The following PRRC2B variants were observed in gnomAD, a reference collection of about 807,000 sequenced individuals.
PRRC2B encodes the protein proline rich coiled-coil 2B, also known as protein PRRC2B.
PRRC2B carries 68 observed loss-of-function variants against 242.3 expected under a neutral mutation model. The ratio of observed to expected loss-of-function variants is 0.28; its 90% CI spans 0.23 to 0.34. PRRC2B has a LOEUF of 0.34. Among genes scored for constraint, PRRC2B ranks in the 10% least tolerant of loss-of-function variants. The pLI is 1.00. For missense variants in PRRC2B, 2,835 were observed against 2,954.8 expected, an observed-to-expected ratio of 0.96 and a Z score of 0.94; for synonymous variants, 1,228 against 1,173.6, an observed-to-expected ratio of 1.05 and a Z score of -0.95.
chr9:131,430,219 T>C lies in PRRC2B; in HGVS notation c.75T>C (p.Asp25=), dbSNP rs1838093170. The change falls in exon 2 of 32, where the codon GAT becomes GAC. Residue 25 remains aspartate (D), a synonymous_variant. Transcript: ENST00000683519. ...AGTACTCGACTCTCAGCCTGTTTGA[T>C]AAGTATAAAGGAAAATCAGTAGACG... ...KSKYSTLSLF[D]KYKGKSVDAI... is the part of the protein sequence containing the mutation. The C allele has an allele frequency of 6.8e-6, 11 of 1,606,524 alleles. No individual in the cohort carries two copies. In the East Asian group the frequency reaches 2.2e-4, roughly 33 times the overall value.
rs572990487 is a variant in PRRC2B, at chr9:131,467,466, G to A, written c.1721-97G>A. On this transcript the variant is annotated intron_variant, in intron 12 of 31. Transcript: ENST00000683519. ...GACGTGACTGTTCTAGCAGTGGAGC[G>A]TACGGGCCAACAGGAAGAAGTACTT... 1.1e-4 allele frequency: 123 copies of A among 1,086,996 alleles called. No homozygotes were observed. The East Asian group carries it at 3.0e-3, about 26-fold the overall frequency. 67.3% of individuals were successfully genotyped at this position (1,086,996 alleles called of 1,614,324 possible).
chr9:131,438,428 G>A (rs975523007), intron 4 of PRRC2B, among the ~76,000 whole-genome samples: 1 of 152,094 alleles, frequency 6.6e-6, no homozygotes, highest in East Asian at 1.9e-4. Context: ...TGACCCTGGC[G>A]AGTTTTCAGC....
Position 131,482,926 on chromosome 9 carries a change from T to A in PRRC2B, c.5373+19T>A. 6.3e-7 allele frequency: 1 copy of A among 1,590,866 alleles called. No individual in the cohort carries two copies. Among genetic ancestry groups the A allele is most frequent in the Non-Finnish European group, 8.6e-7 (1 of 1,168,248 alleles). ...TCCAAAAGTGAGGCTTTGATTTGTT[T>A]TCTTGCTTGCTTTTTTTACTTTTTA... On this transcript the variant is annotated intron_variant, in intron 22 of 31. Coordinates refer to ENST00000683519, the MANE Select transcript of PRRC2B (RefSeq NM_013318.4). The surrounding 1 kb of genome is among the most constrained non-coding windows in gnomAD (Gnocchi z 5.2).
At chr9:131,401,101 G>GC (rs1263288291) in intron 1 of PRRC2B, among the ~76,000 whole-genome samples, 1 of 151,388 alleles carries the variant, frequency 6.6e-6, no homozygotes, top group African/African-American at 2.4e-5. Context: ...TTTCTTCGGA[G>GC]CCCCCTACAG....
Position 131,459,278 on chromosome 9 carries a change from C to T in PRRC2B, c.1326C>T (p.Ser442=), listed in dbSNP as rs1345871309. Residue 442 remains serine, a synonymous_variant, in exon 11 of 32, where the codon TCC becomes TCT. Coordinates refer to ENST00000683519, the MANE Select transcript of PRRC2B (RefSeq NM_013318.4). ...ACTGGGCTGAAGCAGTGGGTGCGTC[C>T]CGTGTGGTCCGAAAGGCGCCAGACC... ...GKDWAEAVGA[S]RVVRKAPDPQ... 11 of 1,613,750 alleles carry T rather than the reference C, an allele frequency of 6.8e-6. No homozygotes were observed. Among genetic ancestry groups the T allele is most frequent in the African/African-American group, 1.3e-5 (1 of 74,880 alleles).
At chr9:131,488,542 G>A (rs753509490) in intron 28 of PRRC2B, among the ~76,000 whole-genome samples, 18 of 152,166 alleles carry the variant, frequency 1.2e-4, no homozygotes, top group African/African-American at 2.4e-4. Context: ...GATGACAGGC[G>A]TGAGCCACCA....
chr9:131,380,826 T>TGA (rs1337320722), intron 1 of PRRC2B, among the ~76,000 whole-genome samples: 1 of 138,388 alleles, frequency 7.2e-6, no homozygotes, highest in Non-Finnish European at 1.5e-5. Context: ...TGCAGTGAGC[T>TGA]GAGATCACAC....
chr9:131,447,517 C>A, intron 8 of PRRC2B, 145 bp from the exon 9 acceptor site: 2 of 929,684 alleles, frequency 2.2e-6, no homozygotes, highest in Non-Finnish European at 3.1e-6. Context: ...CTCGTTTGCT[C>A]ATTATATATT....
At chr9:131,437,825 C>G (rs768733426) in intron 4 of PRRC2B, among the ~76,000 whole-genome samples, 2 of 152,294 alleles carry the variant, frequency 1.3e-5, no homozygotes, top group Non-Finnish European at 2.9e-5. Context: ...TTTCTGCTTC[C>G]CAGAATTTGA....
intron 1 of PRRC2B, among the ~76,000 whole-genome samples, chr9:131,428,408 T>C (rs186566615): frequency 1.2e-3 from 182 of 152,126 alleles, no homozygotes; most frequent in African/African-American, 4.3e-3. Flanking sequence ...TTTTATTTAT[T>C]CATTTTGAGA....
intron 12 of PRRC2B, among the ~76,000 whole-genome samples, chr9:131,465,737 A>G (rs976150228): frequency 2.0e-5 from 3 of 150,262 alleles, no homozygotes; most frequent in African/African-American, 4.9e-5. Flanking sequence ...ACATGGCCCT[A>G]TTTTTTTTTT....
chr9:131,474,809 G>C lies in PRRC2B; in HGVS notation c.2680G>C (p.Gly894Arg). Residue 894 changes from glycine to arginine, a missense_variant, in exon 16 of 32, where the codon GGG (glycine) becomes CGG (arginine). Physicochemically the swap from Gly to Arg is moderately radical, Grantham distance 125 (BLOSUM62 -2). Transcript: ENST00000683519. ...TGTTGAGCGGGAGACACCCCGGGAGGGGACGGCCTTTAACATCTCCTCCTG... is the reference window on the plus strand; with the variant it reads ...TGTTGAGCGGGAGACACCCCGGGAGCGGACGGCCTTTAACATCTCCTCCTG... ...HGVERETPRE[G>R]TAFNISSWDK... is the part of the protein sequence containing the mutation. 1 of 1,612,374 alleles carries C rather than the reference G, an allele frequency of 6.2e-7. No homozygotes were observed. Among genetic ancestry groups the C allele is most frequent in the East Asian group, 2.2e-5 (1 of 44,850 alleles).
chr9:131,493,745 C>G (rs1046687611), intron 30 of PRRC2B, among the ~76,000 whole-genome samples: 1 of 152,158 alleles, frequency 6.6e-6, no homozygotes, highest in African/African-American at 2.4e-5. Flanking sequence ...CTGGTCAGGT[C>G]CTTGGGGGAG....
Position 131,494,281 on chromosome 9 carries a change from T to G in PRRC2B, c.6474-124T>G, listed in dbSNP as rs867838434. ...TTCCATCCAAGAGATCCACGGACCG[T>G]CCCGAGTGAGCGCCTCTGGCCGCAG... is the stretch of plus-strand genomic sequence containing the variant. On this transcript the variant is annotated intron_variant, in intron 30 of 31. Transcript: ENST00000683519. This position sits in a 1 kb window ranked among gnomAD's most constrained non-coding sequence, Gnocchi z 4.3. The G allele has an allele frequency of 1.6e-6, 1 of 618,070 alleles. No individual in the cohort carries two copies. The highest frequency in any genetic ancestry group is 1.9e-5 in the South Asian group (1 of 51,574). The allele number at this position is 618,070 out of a possible 1,614,324, so 38.3% of individuals were successfully genotyped here. A position where few individuals can be genotyped will look rare whatever the true frequency, so the allele number is the denominator to read the frequency against.
Position 131,446,468 on chromosome 9 carries a change from A to G in PRRC2B, c.681A>G (p.Pro227=). ...IISATSLSTS[P]TELGSRNSST... Reference sequence around the variant, plus strand: ...CTGCCACGTCTCTGAGCACCTCCCCAACTGAGCTGGGCAGCAGGAACTCGA... The same window carrying G: ...CTGCCACGTCTCTGAGCACCTCCCCGACTGAGCTGGGCAGCAGGAACTCGA... The change falls in exon 7 of 32, where the codon CCA becomes CCG. Residue 227 remains proline, a synonymous_variant. Coordinates refer to ENST00000683519, the MANE Select transcript of PRRC2B (RefSeq NM_013318.4). The surrounding 1 kb of genome is among the most constrained non-coding windows in gnomAD (Gnocchi z 4.1). 6.2e-7 allele frequency: 1 copy of G among 1,613,720 alleles called. No homozygotes were observed. The highest frequency in any genetic ancestry group is 1.1e-5 in the South Asian group (1 of 91,066).
Position 131,459,046 on chromosome 9 carries a change from T to G in PRRC2B, c.1212-118T>G. The G allele has an allele frequency of 9.6e-6, 8 of 830,756 alleles. No homozygotes were observed. In the South Asian group the frequency reaches 1.3e-4, roughly 13 times the overall value. The allele number at this position is 830,756 out of a possible 1,614,324, so 51.5% of individuals were successfully genotyped here. On this transcript the variant is annotated intron_variant, in intron 10 of 31. Transcript: ENST00000683519. Reference sequence around the variant, plus strand: ...GGAAGTAGTGGGAGTGGTGGTCCATTCTAATGAAGAAAATGATTTGGACAG... The same window carrying G: ...GGAAGTAGTGGGAGTGGTGGTCCATGCTAATGAAGAAAATGATTTGGACAG...
chr9:131,463,851 T>A (rs1287953659), intron 11 of PRRC2B, among the ~76,000 whole-genome samples: 3 of 151,840 alleles, frequency 2.0e-5, no homozygotes, highest in Admixed American at 2.0e-4. Flanking sequence ...CAGGCTGGTC[T>A]CGAGCTCCTA....
chr9:131,434,867 T>G (rs998315424), intron 3 of PRRC2B, among the ~76,000 whole-genome samples: 1 of 152,180 alleles, frequency 6.6e-6, no homozygotes, highest in Non-Finnish European at 1.5e-5. Context: ...GAGTGTAAAT[T>G]CACTGACACA....
intron 1 of PRRC2B, among the ~76,000 whole-genome samples, chr9:131,412,797 C>CT (rs35175798): frequency 0.06 from 8,316 of 137,982 alleles, 640 homozygotes; most frequent in African/African-American, 0.17. Flanking sequence ...CTCTCTCTCT[C>CT]TTTTTTTTTT....
Sources: gnomAD v4.1 joint callset for allele counts (sites outside exome capture counted in the v4.1 genomes callset) on GRCh38, gnomAD v4.1.1 for gene constraint, Gnocchi (gnomAD v3.1) non-coding constraint, MANE v1.5 for transcripts, NCBI Gene and HGNC (gene_info 2026-07-23, HGNC 2026-07-21) for gene names.